Variants in SUCLG2 observed in about 807,000 individuals in gnomAD.
SUCLG2 encodes succinate-CoA ligase GDP-forming subunit beta, also known as succinate--CoA ligase [GDP-forming] subunit beta, mitochondrial.
A neutral mutation model predicts 47.9 loss-of-function variants in SUCLG2; 42 were observed. The observed-to-expected ratio is 0.88, with a 90% confidence interval of 0.69 to 1.14. The LOEUF (loss-of-function observed/expected upper bound fraction) is 1.14. Ranked by LOEUF, SUCLG2 falls within the 50% of genes most tolerant of loss-of-function variation. The probability of loss-of-function intolerance (pLI) is 0.00; values close to 1 mark genes in which losing one functional copy is unlikely to be tolerated. For synonymous variants in SUCLG2, 195 were observed against 197.3 expected (o/e 0.99, Z 0.10); for missense variants, 571 against 525.9 (o/e 1.09, Z -0.84).
intron 9 of SUCLG2, among the ~76,000 whole-genome samples, chr3:67,490,822 A>G (rs1378004154): frequency 6.6e-6 from 1 of 152,206 alleles, no homozygotes; most frequent in Non-Finnish European, 1.5e-5. Context: ...TGGCTAATAA[A>G]TACATGAAAA....
At chr3:67,434,368 A>G (rs13069994) in intron 9 of SUCLG2, among the ~76,000 whole-genome samples, 1 of 152,164 alleles carries the variant, frequency 6.6e-6, no homozygotes, top group South Asian at 2.1e-4. Context: ...TCTACAAAAA[A>G]TGAAAAACAT....
chr3:67,632,247 A>C (rs957401794), intron 1 of SUCLG2, among the ~76,000 whole-genome samples: 1 of 152,074 alleles, frequency 6.6e-6, no homozygotes, highest in African/African-American at 2.4e-5. Flanking sequence ...CACTGGTGCG[A>C]TCTCTGCTCA....
rs967912175 is a variant in SUCLG2, at chr3:67,487,744, A to T, written c.1062+8054T>A. On this transcript the variant is annotated intron_variant, in intron 9 of 10. Coordinates refer to ENST00000307227, the MANE Select transcript of SUCLG2 (RefSeq NM_003848.4). ...GTCAACTCACTGATGTTAGCCCTCT[A>T]CAAGTCCTTCAACTATTACTGAGGT... 3.9e-5 allele frequency among the ~76,000 whole-genome samples: 6 copies of T among 152,326 alleles called. No homozygotes were observed. The East Asian group carries it at 1.2e-3, about 29-fold the overall frequency.
intron 2 of SUCLG2, among the ~76,000 whole-genome samples, chr3:67,582,037 A>G (rs1707892571): frequency 6.6e-6 from 1 of 152,216 alleles, no homozygotes. Flanking sequence ...AGATCCTTTG[A>G]AAGTTTTGTA....
intron 9 of SUCLG2, among the ~76,000 whole-genome samples, chr3:67,430,842 G>T (rs1157923903): frequency 6.6e-6 from 1 of 152,108 alleles, no homozygotes. Flanking sequence ...AAATAAACTA[G>T]AAAATCTAGA....
chr3:67,376,100 T>G, intron 10 of SUCLG2: 1 of 985,480 alleles, frequency 1.0e-6, no homozygotes, highest in Non-Finnish European at 1.2e-6. Context: ...CATATTTTAC[T>G]GATGGAAGCT....
intron 2 of SUCLG2, among the ~76,000 whole-genome samples, chr3:67,538,431 T>C (rs1706606869): frequency 6.6e-6 from 1 of 152,220 alleles, no homozygotes; most frequent in African/African-American, 2.4e-5. Context: ...TCTGTTTTCG[T>C]ACCAGTACCA....
chr3:67,553,332 A>C (rs1257135915), intron 2 of SUCLG2, among the ~76,000 whole-genome samples: 1 of 152,234 alleles, frequency 6.6e-6, no homozygotes, highest in East Asian at 1.9e-4. Flanking sequence ...CAAAGGGTCC[A>C]CTTGTGGTCT....
rs534074517 is a variant in SUCLG2 at position 67,384,364 on chromosome 3, G to A, written c.1184-8505C>T. Reference sequence around the variant, plus strand: ...TAGGGATCTGCAAGCTATAGCTCACGGACCAAATCTGTTCCACTATCTGTT... The same window carrying A: ...TAGGGATCTGCAAGCTATAGCTCACAGACCAAATCTGTTCCACTATCTGTT... On this transcript the variant is annotated intron_variant, in intron 10 of 10. Coordinates refer to ENST00000307227, the MANE Select transcript of SUCLG2 (RefSeq NM_003848.4). Among the ~76,000 whole-genome samples the A allele has an allele frequency of 7.2e-5, 11 of 152,188 alleles. No individual in the cohort carries two copies. The East Asian group carries it at 1.4e-3, about 19-fold the overall frequency.
chr3:67,433,549 T>A (rs558127406), intron 9 of SUCLG2, among the ~76,000 whole-genome samples: 1 of 152,222 alleles, frequency 6.6e-6, no homozygotes, highest in Admixed American at 6.5e-5. Context: ...ACCTTTCTTT[T>A]TGCTAGCTGC....
At chr3:67,380,698 AGAGG>A (rs1559638436) in intron 10 of SUCLG2, among the ~76,000 whole-genome samples, 7 of 66,688 alleles carry the variant, frequency 1.0e-4, no homozygotes, top group African/African-American at 3.5e-4. Context: ...AGAGAGAGAG[AGAGG>A]GAGATAGAGA....
At chr3:67,459,782 T>C (rs1229782937) in intron 9 of SUCLG2, among the ~76,000 whole-genome samples, 3 of 152,200 alleles carry the variant, frequency 2.0e-5, no homozygotes, top group East Asian at 3.9e-4. Flanking sequence ...GATGGTAGGA[T>C]GCTACCAGGA....
At chr3:67,501,620 C>A (rs1705497086) in intron 7 of SUCLG2, among the ~76,000 whole-genome samples, 1 of 152,054 alleles carries the variant, frequency 6.6e-6, no homozygotes, top group South Asian at 2.1e-4. Context: ...CTGTATGGGG[C>A]TGGTCGCCAG....
chr3:67,503,587 C>T (rs1273711438), intron 7 of SUCLG2, among the ~76,000 whole-genome samples: 1 of 152,176 alleles, frequency 6.6e-6, no homozygotes, highest in Non-Finnish European at 1.5e-5. Context: ...AGGTGCTGAG[C>T]TTGGTCCGGA....
At chr3:67,581,996 ACT>A (rs1707891691) in intron 2 of SUCLG2, among the ~76,000 whole-genome samples, 1 of 152,172 alleles carries the variant, frequency 6.6e-6, no homozygotes, top group East Asian at 1.9e-4. Context: ...CAAATTAGGA[ACT>A]CTGTTTAGTT....
Position 67,446,417 on chromosome 3 carries a change from A to ATT in SUCLG2, c.1063-45568_1063-45567dup, listed in dbSNP as rs750956324. On this transcript the variant is annotated intron_variant, in intron 9 of 10. Transcript: ENST00000307227. ...GGTATCTAAATATGTACATATGTAC[A>ATT]TTTTTTTTTTTTTTTTTTTTTTTTT... 3.3e-3 allele frequency among the ~76,000 whole-genome samples: 107 copies of ATT among 32,212 alleles called. 8 individuals are homozygous for ATT. The highest frequency in any genetic ancestry group is 7.9e-3 in the African/African-American group (61 of 7,674). 21.1% of individuals were successfully genotyped at this position (32,212 alleles called of 152,430 possible). A position where few individuals can be genotyped will look rare whatever the true frequency, so the allele number is the denominator to read the frequency against.
intron 8 of SUCLG2, 143 bp from the exon 9 acceptor site, chr3:67,496,083 C>A: frequency 1.0e-6 from 1 of 953,384 alleles, no homozygotes; most frequent in Admixed American, 2.6e-5. Context: ...TCCATTAAAC[C>A]AGATTAGTTC....
intron 9 of SUCLG2, among the ~76,000 whole-genome samples, chr3:67,478,981 C>T (rs1284585726): frequency 6.6e-6 from 1 of 152,222 alleles, no homozygotes; most frequent in Admixed American, 6.5e-5. Flanking sequence ...GCAGTGGCTA[C>T]ACAGAGCTAG....
chr3:67,626,868 C>T (rs1049210470), intron 1 of SUCLG2, among the ~76,000 whole-genome samples: 1 of 141,986 alleles, frequency 7.0e-6, no homozygotes, highest in Non-Finnish European at 1.5e-5. Flanking sequence ...GAGCCGAGAT[C>T]GCACCACTGC....
Sources: allele counts gnomAD v4.1 joint callset (sites outside exome capture counted in the v4.1 genomes callset), GRCh38; gene constraint gnomAD v4.1.1; transcripts MANE v1.5; gene names NCBI Gene and HGNC (gene_info 2026-07-23, HGNC 2026-07-21).